Variants in NRXN1 observed in about 807,000 individuals in gnomAD.
NRXN1 encodes the protein neurexin-1.
NRXN1 carries 39 observed loss-of-function variants against 150.9 expected under a neutral mutation model. The observed-to-expected ratio is 0.26, with a 90% CI of 0.20 to 0.34. The LOEUF (loss-of-function observed/expected upper bound fraction) is 0.34. NRXN1 is among the 10% of genes least tolerant of loss of function. The probability of loss-of-function intolerance (pLI) is 1.00; values close to 1 mark genes in which losing one functional copy is unlikely to be tolerated. For missense variants in NRXN1, 1,815 were observed against 1,949.9 expected (o/e 0.93, Z 1.30); for synonymous variants, 924 against 757.0 (o/e 1.22, Z -3.62).
At chr2:49,969,536 T>C (rs1355574995) in intron 21 of NRXN1, among the ~76,000 whole-genome samples, 1 of 148,626 alleles carries the variant, frequency 6.7e-6, no homozygotes, top group African/African-American at 2.6e-5. Flanking sequence ...TATATGTAAT[T>C]ACACCTTATT....
At position 50,623,197 on chromosome 2, in the gene NRXN1, C is replaced by T. The variant is rs962281722; in HGVS notation, c.1134+117G>A. 1.1e-5 allele frequency: 8 copies of T among 746,986 alleles called. No homozygotes were observed. The African/African-American group carries it at 1.4e-4, about 13-fold the overall frequency. 46.3% of individuals were successfully genotyped at this position (746,986 alleles called of 1,614,324 possible). A position where few individuals can be genotyped will look rare whatever the true frequency, so the allele number is the denominator to read the frequency against. On this transcript the variant is annotated intron_variant, in intron 6 of 22. Transcript: ENST00000401669. ...AGATTCATCTCAGAAGAAGAAAAAG[C>T]TAATTTGCAAGTGACTCTGAGGAGC... is the stretch of plus-strand genomic sequence containing the variant.
At chr2:50,805,732 A>T (rs1667426753) in intron 5 of NRXN1, among the ~76,000 whole-genome samples, 2 of 152,202 alleles carry the variant, frequency 1.3e-5, no homozygotes, top group African/African-American at 4.8e-5. Flanking sequence ...TTATTAAAAA[A>T]TAGAATTTAA....
chr2:50,774,461 A>T (rs1703371045), intron 5 of NRXN1, among the ~76,000 whole-genome samples: 2 of 152,306 alleles, frequency 1.3e-5, no homozygotes, highest in East Asian at 3.9e-4. Context: ...ATGACACAGT[A>T]AAAATGCATA....
At chr2:50,217,151 A>G (rs1322006850) in intron 18 of NRXN1, among the ~76,000 whole-genome samples, 1 of 152,000 alleles carries the variant, frequency 6.6e-6, no homozygotes, top group Non-Finnish European at 1.5e-5. Flanking sequence ...CAAAAACAGC[A>G]CCTCCTAATA....
chr2:50,804,839 C>G (rs1268648752), intron 5 of NRXN1, among the ~76,000 whole-genome samples: 1 of 152,208 alleles, frequency 6.6e-6, no homozygotes, highest in Non-Finnish European at 1.5e-5. Flanking sequence ...TCCAACCACT[C>G]TTCCCTTCTC....
intron 9 of NRXN1, among the ~76,000 whole-genome samples, chr2:50,544,637 C>T (rs2093457298): frequency 6.6e-6 from 1 of 152,022 alleles, no homozygotes; most frequent in Non-Finnish European, 1.5e-5. Context: ...AAGGGCACTT[C>T]AATAACTGTA....
intron 8 of NRXN1, among the ~76,000 whole-genome samples, chr2:50,614,484 G>A (rs899827496): frequency 6.6e-6 from 1 of 151,542 alleles, no homozygotes; most frequent in Admixed American, 6.6e-5. Context: ...AGGAAAATAA[G>A]CAAAAAAGGG....
intron 5 of NRXN1, among the ~76,000 whole-genome samples, chr2:50,639,646 A>C (rs1683779321): frequency 6.6e-6 from 1 of 152,160 alleles, no homozygotes; most frequent in Non-Finnish European, 1.5e-5. Context: ...TTCCATCCTA[A>C]TTTGATCCCT....
Position 50,684,018 on chromosome 2 carries a change from C to T in NRXN1, c.833-60403G>A, listed in dbSNP as rs1389685734. Among the ~76,000 whole-genome samples, 6 of 151,992 alleles carry T rather than the reference C, an allele frequency of 3.9e-5. No homozygotes were observed. In the East Asian group the frequency reaches 1.2e-3, roughly 30 times the overall value. On this transcript the variant is annotated intron_variant, in intron 5 of 22. Coordinates refer to ENST00000401669, the MANE Select transcript of NRXN1 (RefSeq NM_001330078.2). ...TACCCATCCATCCATCTATGCATTT[C>T]ATCTTTGGCAATTTTCTGTTCTTTT...
intron 17 of NRXN1, among the ~76,000 whole-genome samples, chr2:50,439,633 C>T (rs2085756554): frequency 6.6e-6 from 1 of 151,814 alleles, no homozygotes; most frequent in Non-Finnish European, 1.5e-5. Flanking sequence ...GGTGAAAACC[C>T]ATCTCTACTA....
At chr2:49,979,904 TGG>T (rs61167049) in intron 21 of NRXN1, among the ~76,000 whole-genome samples, 54,258 of 141,322 alleles carry the variant, frequency 0.38, 11,016 homozygotes, top group South Asian at 0.45. Flanking sequence ...ATTGTTTTTT[TGG>T]TTTTTTTTTT....
chr2:50,308,578 G>T (rs892757742), intron 17 of NRXN1, among the ~76,000 whole-genome samples: 2 of 151,790 alleles, frequency 1.3e-5, no homozygotes, highest in Admixed American at 1.3e-4. Flanking sequence ...GCTGTCTAAC[G>T]CCTGGCATCA....
chr2:49,961,669 A>G (rs1298847537), intron 21 of NRXN1, among the ~76,000 whole-genome samples: 2 of 152,234 alleles, frequency 1.3e-5, no homozygotes, highest in African/African-American at 4.8e-5. Flanking sequence ...AAATTAGCCT[A>G]TAGGTCTTTA....
At chr2:50,191,639 A>G (rs1278917366) in intron 18 of NRXN1, among the ~76,000 whole-genome samples, 1 of 152,048 alleles carries the variant, frequency 6.6e-6, no homozygotes, top group African/African-American at 2.4e-5. Flanking sequence ...CCATCTCTAT[A>G]ATTTTGCCAT....
chr2:50,487,961 G>A (rs550721266), intron 15 of NRXN1, among the ~76,000 whole-genome samples: 3 of 152,244 alleles, frequency 2.0e-5, no homozygotes, highest in African/African-American at 7.2e-5. Context: ...TACTCCCTAT[G>A]TATAAACAAA....
intron 5 of NRXN1, among the ~76,000 whole-genome samples, chr2:50,669,670 A>G (rs1370888712): frequency 6.6e-6 from 1 of 151,812 alleles, no homozygotes; most frequent in East Asian, 1.9e-4. Context: ...ATCCATCATT[A>G]AATTTGTCAT....
chr2:50,447,773 ATATAT>A (rs2086586149), intron 17 of NRXN1, among the ~76,000 whole-genome samples: 1 of 107,426 alleles, frequency 9.3e-6, no homozygotes, highest in Non-Finnish European at 1.9e-5. Context: ...ATATATATAT[ATATAT>A]ACCTAATTCC....
chr2:51,013,708 C>G (rs1668248192), intron 2 of NRXN1, among the ~76,000 whole-genome samples: 1 of 152,012 alleles, frequency 6.6e-6, no homozygotes, highest in Non-Finnish European at 1.5e-5. Context: ...TCTAGTGATA[C>G]AGATTCACCC....
chr2:50,183,942 T>TCCTTAGCTCGAAATTATA (rs2060902877), intron 18 of NRXN1, among the ~76,000 whole-genome samples: 1 of 151,964 alleles, frequency 6.6e-6, no homozygotes, highest in Non-Finnish European at 1.5e-5. Flanking sequence ...AGAGTAAAAC[T>TCCTTAGCTCGAAATTATA]CCTTAGCTCG....
Sources: allele counts gnomAD v4.1 joint callset (sites outside exome capture counted in the v4.1 genomes callset), GRCh38; gene constraint gnomAD v4.1.1; transcripts MANE v1.5; gene names NCBI Gene and HGNC (gene_info 2026-07-23, HGNC 2026-07-21).